SCD: variants seen among roughly 807,000 people sequenced by gnomAD.
The protein encoded by SCD is acyl-CoA desaturase.
A neutral mutation model predicts 35.7 loss-of-function variants in SCD; 4 were observed. The observed-to-expected ratio is 0.11, with a 90% CI of 0.06 to 0.26. The LOEUF (loss-of-function observed/expected upper bound fraction) is 0.26, where lower values mean the gene tolerates loss of function less well. SCD is among the 10% of genes least tolerant of loss of function. SCD has a pLI of 1.00. For missense variants in SCD, 282 were observed against 460.7 expected, an observed-to-expected ratio of 0.61 and a Z score of 3.55; for synonymous variants, 150 against 170.2, an observed-to-expected ratio of 0.88 and a Z score of 0.92.
At chr10:100,355,574 C>T (rs1249555773) in intron 4 of SCD, among the ~76,000 whole-genome samples, 2 of 152,250 alleles carry the variant, frequency 1.3e-5, no homozygotes, top group East Asian at 3.9e-4. Flanking sequence ...TAGTTACGGA[C>T]GTGCTTTAGG....
In SCD at chr10:100,364,491, A is replaced by G. The variant is rs200097234; in HGVS notation, c.*3558A>G. On this transcript the variant is annotated 3_prime_UTR_variant, in exon 6 of 6. Coordinates refer to ENST00000370355, the MANE Select transcript of SCD (RefSeq NM_005063.5). ...AATTCTCAAGACCTGAGTATTTTTT[A>G]TAATAGGAATGTCCACCATGAACTT... The G allele has an allele frequency of 2.9e-4, 44 of 152,764 alleles. 1 individual carries two copies. Among genetic ancestry groups the G allele is most frequent in the East Asian group, 3.9e-4 (2 of 5,190 alleles). The allele number at this position is 152,764 out of a possible 1,614,324, so 9.5% of individuals were successfully genotyped here. A position where few individuals can be genotyped will look rare whatever the true frequency, so the allele number is the denominator to read the frequency against.
At chr10:100,350,686 G>A (rs1849861628) in intron 2 of SCD, among the ~76,000 whole-genome samples, 1 of 152,188 alleles carries the variant, frequency 6.6e-6, no homozygotes, top group South Asian at 2.1e-4. Flanking sequence ...TGTTAATATA[G>A]GATCTTATAT....
intron 4 of SCD, among the ~76,000 whole-genome samples, chr10:100,355,466 G>A (rs553886422): frequency 6.3e-4 from 96 of 152,332 alleles, no homozygotes; most frequent in African/African-American, 2.1e-3. Context: ...TAAGACTGGA[G>A]AGACTAATGC....
In SCD at chr10:100,347,269, G is replaced by A; in HGVS notation, c.-236G>A. On this transcript the variant is annotated 5_prime_UTR_variant, in exon 1 of 6. Coordinates refer to ENST00000370355, the MANE Select transcript of SCD (RefSeq NM_005063.5). ...CGCACTTTGCCCCTGCTTGGCAGCGGATAAAAGGGGGCTGAGGAAATACCG... is the reference window on the plus strand; with the variant it reads ...CGCACTTTGCCCCTGCTTGGCAGCGAATAAAAGGGGGCTGAGGAAATACCG... 1.7e-6 allele frequency: 1 copy of A among 581,750 alleles called. No homozygotes were observed. The highest frequency in any genetic ancestry group is 3.0e-5 in the Admixed American group (1 of 32,886). 36.0% of individuals were successfully genotyped at this position (581,750 alleles called of 1,614,324 possible).
chr10:100,352,965 G>A lies in SCD; in HGVS notation c.441+469G>A, dbSNP rs1001041543. ...ATATCACCACTGCACTCCAGCCTGG[G>A]TGACAAGACCCCAACTTTAAAAAAA... is the stretch of plus-strand genomic sequence containing the variant. On this transcript the variant is annotated intron_variant, in intron 3 of 5. Coordinates refer to ENST00000370355, the MANE Select transcript of SCD (RefSeq NM_005063.5). This position sits in a 1 kb window ranked among gnomAD's most constrained non-coding sequence, Gnocchi z 4.2. Among the ~76,000 whole-genome samples, 1 of 143,192 alleles carries A rather than the reference G, an allele frequency of 7.0e-6. No individual in the cohort carries two copies. Among genetic ancestry groups the A allele is most frequent in the Admixed American group, 7.0e-5 (1 of 14,354 alleles). The allele number at this position is 143,192 out of a possible 152,430, so 93.9% of individuals were successfully genotyped here.
At chr10:100,358,111 G>T (rs961558567) in intron 5 of SCD, among the ~76,000 whole-genome samples, 3 of 152,044 alleles carry the variant, frequency 2.0e-5, no homozygotes, top group African/African-American at 7.2e-5. Flanking sequence ...GCGATCCTCG[G>T]GGTTCAGCCT....
In SCD at chr10:100,356,096, C is replaced by T. The variant is rs1424764576; in HGVS notation, c.648-436C>T. On this transcript the variant is annotated intron_variant, in intron 4 of 5. Transcript: ENST00000370355. This position sits in a 1 kb window ranked among gnomAD's most constrained non-coding sequence, Gnocchi z 4.1. ...TGCTCTAGTAAAAAGTCAGCGATGG[C>T]CGGGCATGGTGGCTCATGCCCGTAA... is the stretch of plus-strand genomic sequence containing the variant. 2.0e-5 allele frequency among the ~76,000 whole-genome samples: 3 copies of T among 152,188 alleles called. No homozygotes were observed. Among genetic ancestry groups the T allele is most frequent in the Non-Finnish European group, 4.4e-5 (3 of 68,030 alleles).
At chr10:100,354,401 T>C (rs1564625823) in intron 3 of SCD, 26 bp from the exon 4 acceptor site, 2 of 1,601,248 alleles carry the variant, frequency 1.2e-6, no homozygotes, top group Non-Finnish European at 1.7e-6. Context: ...CCTCAAGCCT[T>C]ACATTCCTCT....
Position 100,347,471 on chromosome 10 carries a change from C to T in SCD, c.-34C>T, listed in dbSNP as rs1477494012. Reference sequence around the variant, plus strand: ...CGAACTCCGCTCCGGAGCCTCAGCCCCCTGGAAAGTGATCCCGGCATCCGA... The same window carrying T: ...CGAACTCCGCTCCGGAGCCTCAGCCTCCTGGAAAGTGATCCCGGCATCCGA... On this transcript the variant is annotated 5_prime_UTR_variant, in exon 1 of 6. Coordinates refer to ENST00000370355, the MANE Select transcript of SCD (RefSeq NM_005063.5). 1.2e-6 allele frequency: 2 copies of T among 1,613,074 alleles called. No homozygotes were observed. Among genetic ancestry groups the T allele is most frequent in the Non-Finnish European group, 1.7e-6 (2 of 1,179,664 alleles).
intron 5 of SCD, among the ~76,000 whole-genome samples, chr10:100,359,151 T>C (rs1589700196): frequency 6.6e-6 from 1 of 152,306 alleles, no homozygotes; most frequent in South Asian, 2.1e-4. Context: ...CTCCAGCCTC[T>C]GGGTGGCCAT....
In SCD at chr10:100,352,231, A is replaced by G. The variant is rs917227016; in HGVS notation, c.311-135A>G. 3.4e-5 allele frequency: 26 copies of G among 759,056 alleles called. No homozygotes were observed. Among genetic ancestry groups the G allele is most frequent in the Non-Finnish European group, 5.1e-5 (24 of 474,848 alleles). The allele number at this position is 759,056 out of a possible 1,614,324, so 47.0% of individuals were successfully genotyped here. On this transcript the variant is annotated intron_variant, in intron 2 of 5. Transcript: ENST00000370355. This position sits in a 1 kb window ranked among gnomAD's most constrained non-coding sequence, Gnocchi z 4.2. The stretch of plus-strand genomic sequence containing the variant: ...AAATCTAAGGGATGTGGTTATCCCT[A>G]GAGTTCATGGTAAAGCCAGTTCTCA...
intron 2 of SCD, among the ~76,000 whole-genome samples, chr10:100,349,445 G>A (rs1502593): frequency 0.34 from 51,479 of 152,060 alleles, 9,423 homozygotes; most frequent in South Asian, 0.4. Context: ...CTGACAGCTC[G>A]CTCTTGAAGG....
At chr10:100,354,266 GAGA>G (rs1344951921) in intron 3 of SCD, among the ~76,000 whole-genome samples, 158 bp from the exon 4 acceptor site, 2 of 152,228 alleles carry the variant, frequency 1.3e-5, no homozygotes, top group African/African-American at 2.4e-5. Flanking sequence ...GGCAAGTTGG[GAGA>G]AGAAGGGAGG....
Position 100,362,938 on chromosome 10 carries a change from CTGCT to C in SCD, c.*2007_*2010del, listed in dbSNP as rs1434006651. ...AACCAGAGGGCATGCTGAATGCCCC[CTGCT>C]TACTTGGTGAGGGTGCCCCGCCTGA... On this transcript the variant is annotated 3_prime_UTR_variant, in exon 6 of 6. Transcript: ENST00000370355. 2 of 152,328 alleles carry C rather than the reference CTGCT, an allele frequency of 1.3e-5. No individual in the cohort carries two copies. The highest frequency in any genetic ancestry group is 2.9e-5 in the Non-Finnish European group (2 of 68,104). The allele number at this position is 152,328 out of a possible 1,614,324, so 9.4% of individuals were successfully genotyped here. A position where few individuals can be genotyped will look rare whatever the true frequency, so the allele number is the denominator to read the frequency against.
Position 100,356,757 on chromosome 10 carries a change from A to G in SCD, c.873A>G (p.Gly291=), listed in dbSNP as rs1462858413. ...SPRENILVSL[G]AVGEGFHNYH... ...GGGAGAATATCCTGGTTTCACTTGGAGCTGTGGGTAAGTCAGCTGTCCAAG... is the reference window on the plus strand; with the variant it reads ...GGGAGAATATCCTGGTTTCACTTGGGGCTGTGGGTAAGTCAGCTGTCCAAG... The change falls in exon 5 of 6, where the codon GGA becomes GGG. Residue 291 remains glycine, a synonymous_variant. Transcript: ENST00000370355. This position sits in a 1 kb window ranked among gnomAD's most constrained non-coding sequence, Gnocchi z 4.1. 6.2e-7 allele frequency: 1 copy of G among 1,613,668 alleles called. No individual in the cohort carries two copies. The highest frequency in any genetic ancestry group is 8.5e-7 in the Non-Finnish European group (1 of 1,179,744).
rs1031494051 is a variant in SCD at position 100,363,870 on chromosome 10, C to T, written c.*2937C>T. 1.3e-5 allele frequency: 2 copies of T among 152,616 alleles called. No homozygotes were observed. Among genetic ancestry groups the T allele is most frequent in the African/African-American group, 4.8e-5 (2 of 41,408 alleles). The allele number at this position is 152,616 out of a possible 1,614,324, so 9.5% of individuals were successfully genotyped here. A position where few individuals can be genotyped will look rare whatever the true frequency, so the allele number is the denominator to read the frequency against. The stretch of plus-strand genomic sequence containing the variant: ...GTGTGCTGACAACTTAGCTCAGGTG[C>T]CTTACATCTTTTCTAATCACAGTGT... On this transcript the variant is annotated 3_prime_UTR_variant, in exon 6 of 6. Coordinates refer to ENST00000370355, the MANE Select transcript of SCD (RefSeq NM_005063.5).
Position 100,352,524 on chromosome 10 carries a change from T to C in SCD, c.441+28T>C. 6.2e-7 allele frequency: 1 copy of C among 1,609,080 alleles called. No individual in the cohort carries two copies. Among genetic ancestry groups the C allele is most frequent in the Non-Finnish European group, 8.5e-7 (1 of 1,177,970 alleles). ...AAGAAGTTGTCTCTGCTCAGCTGTT[T>C]GTCCTCCACACTATTAATGATCCGG... On this transcript the variant is annotated intron_variant, in intron 3 of 5. Transcript: ENST00000370355. The surrounding 1 kb of genome is among the most constrained non-coding windows in gnomAD (Gnocchi z 4.2).
chr10:100,354,746 A>T, intron 4 of SCD, 114 bp downstream of exon 4: 1 of 789,526 alleles, frequency 1.3e-6, no homozygotes, highest in East Asian at 2.6e-5. Flanking sequence ...CTGGGTTTGC[A>T]TGTTCACAAT....
At position 100,347,547 on chromosome 10, in the gene SCD, T is replaced by C; in HGVS notation, c.27+16T>C. On this transcript the variant is annotated intron_variant, in intron 1 of 5. Coordinates refer to ENST00000370355, the MANE Select transcript of SCD (RefSeq NM_005063.5). The stretch of plus-strand genomic sequence containing the variant: ...GCAGGACGATGTGAGTTTCCCAGCC[T>C]GGCCCCGTACCGCCGGGTCGCAGGC... 1 of 1,613,822 alleles carries C rather than the reference T, an allele frequency of 6.2e-7. No individual in the cohort carries two copies. The highest frequency in any genetic ancestry group is 1.1e-5 in the South Asian group (1 of 91,066).
Sources: gnomAD v4.1 joint callset for allele counts (sites outside exome capture counted in the v4.1 genomes callset) on GRCh38, gnomAD v4.1.1 for gene constraint, Gnocchi (gnomAD v3.1) non-coding constraint, MANE v1.5 for transcripts, NCBI Gene and HGNC (gene_info 2026-07-23, HGNC 2026-07-21) for gene names.